Variants in PALLD observed in about 807,000 individuals in gnomAD.
The protein encoded by PALLD is palladin.
PALLD carries 61 observed loss-of-function variants against 123.5 expected under a neutral mutation model. That is an observed-to-expected ratio of 0.49 (90% CI 0.40 to 0.61). The LOEUF (loss-of-function observed/expected upper bound fraction) is 0.61, where lower values mean the gene tolerates loss of function less well. PALLD is among the 20% of genes least tolerant of loss of function. PALLD has a pLI of 0.00. For missense variants in PALLD, 1,273 were observed against 1,377.0 expected (o/e 0.92, Z 1.20); for synonymous variants, 465 against 496.4 (o/e 0.94, Z 0.84).
chr4:168,817,242 T>C (rs1387350630), intron 10 of PALLD, among the ~76,000 whole-genome samples: 2 of 152,220 alleles, frequency 1.3e-5, no homozygotes, highest in African/African-American at 4.8e-5. Context: ...AGCATGCTTT[T>C]GTTAAAGACA....
intron 2 of PALLD, among the ~76,000 whole-genome samples, chr4:168,661,117 C>T (rs903442654): frequency 6.6e-6 from 1 of 152,100 alleles, no homozygotes; most frequent in African/African-American, 2.4e-5. Context: ...GCTGGCCAGG[C>T]TGGTCTTGCT....
rs558244348 is a variant in PALLD, at chr4:168,512,059, C to T, written c.555C>T (p.Ala185=). 9.9e-6 allele frequency: 16 copies of T among 1,614,154 alleles called. No individual in the cohort carries two copies. Among genetic ancestry groups the T allele is most frequent in the Admixed American group, 8.3e-5 (5 of 60,016 alleles). ...AGGAGCTAACATCCATATTTAAAGC[C>T]GCAAAGCCAAGAAACAGAAGCCCAA... ...LIEELTSIFK[A]AKPRNRSPNG... The change falls in exon 2 of 22, where the codon GCC becomes GCT. Residue 185 remains alanine, a synonymous_variant. Transcript: ENST00000505667.
chr4:168,660,902 T>A (rs1180487627), intron 2 of PALLD, among the ~76,000 whole-genome samples: 1 of 149,234 alleles, frequency 6.7e-6, no homozygotes, highest in Non-Finnish European at 1.5e-5. Flanking sequence ...TTCTTCCTCT[T>A]TTTTTTTTTT....
chr4:168,764,399 T>C (rs1733368444), intron 10 of PALLD, among the ~76,000 whole-genome samples: 1 of 152,114 alleles, frequency 6.6e-6, no homozygotes, highest in African/African-American at 2.4e-5. Flanking sequence ...TGTTGGCCCC[T>C]AGGAACATTT....
chr4:168,758,519 G>A (rs1317267353), intron 10 of PALLD, among the ~76,000 whole-genome samples: 2 of 152,104 alleles, frequency 1.3e-5, no homozygotes, highest in Non-Finnish European at 1.5e-5. Flanking sequence ...CATCTCAGGC[G>A]TGTAGGTTCT....
At chr4:168,754,631 T>G (rs1214273950) in intron 10 of PALLD, among the ~76,000 whole-genome samples, 2 of 152,176 alleles carry the variant, frequency 1.3e-5, no homozygotes, top group East Asian at 1.9e-4. Context: ...TGATTTTAGA[T>G]AAAAACAGGA....
chr4:168,508,925 C>CA (rs1212106102), intron 1 of PALLD, among the ~76,000 whole-genome samples: 2 of 152,046 alleles, frequency 1.3e-5, no homozygotes, highest in Non-Finnish European at 2.9e-5. Flanking sequence ...AATTGTACTT[C>CA]AGAGCTCATT....
intron 1 of PALLD, among the ~76,000 whole-genome samples, chr4:168,508,680 A>C (rs1176601013): frequency 6.6e-6 from 1 of 152,260 alleles, no homozygotes; most frequent in Non-Finnish European, 1.5e-5. Flanking sequence ...TAAAAAACAC[A>C]GTAGCTTTCT....
At chr4:168,631,376 C>G (rs1441318091) in intron 2 of PALLD, among the ~76,000 whole-genome samples, 1 of 152,238 alleles carries the variant, frequency 6.6e-6, no homozygotes, top group Non-Finnish European at 1.5e-5. Flanking sequence ...TGCCTCAAAC[C>G]ACAGCTGAAT....
chr4:168,750,475 G>T (rs953386349), intron 10 of PALLD, among the ~76,000 whole-genome samples: 1 of 151,980 alleles, frequency 6.6e-6, no homozygotes, highest in Admixed American at 6.6e-5. Context: ...GAAGGCCAGG[G>T]GATTCTACAA....
intron 2 of PALLD, among the ~76,000 whole-genome samples, chr4:168,551,976 G>A (rs1248938124): frequency 2.6e-5 from 4 of 152,144 alleles, no homozygotes; most frequent in Admixed American, 6.6e-5. Flanking sequence ...GGAAGCTCCC[G>A]TGAGTCTTTG....
At chr4:168,757,937 G>C (rs1019423270) in intron 10 of PALLD, among the ~76,000 whole-genome samples, 2 of 152,180 alleles carry the variant, frequency 1.3e-5, no homozygotes, top group Non-Finnish European at 2.9e-5. Flanking sequence ...TGGGTGTGGT[G>C]GCGCATGCCT....
At chr4:168,708,722 T>C (rs1216943625) in intron 8 of PALLD, among the ~76,000 whole-genome samples, 1 of 152,204 alleles carries the variant, frequency 6.6e-6, no homozygotes, top group Non-Finnish European at 1.5e-5. Flanking sequence ...AGCTGCACAC[T>C]TGCAGACATC....
At position 168,844,234 on chromosome 4, in the gene PALLD, G is replaced by A. The variant is rs1027132398; in HGVS notation, c.1965-46688G>A. ...AAAAGATTAAAAACCATGATTGAGTGTGCCTAGAAATAAAGACCACCCTTG... is the reference window on the plus strand; with the variant it reads ...AAAAGATTAAAAACCATGATTGAGTATGCCTAGAAATAAAGACCACCCTTG... On this transcript the variant is annotated intron_variant, in intron 10 of 21. Coordinates refer to ENST00000505667, the MANE Select transcript of PALLD (RefSeq NM_001166108.2). This position sits in a 1 kb window ranked among gnomAD's most constrained non-coding sequence, Gnocchi z 4.5. 6.6e-6 allele frequency: 1 copy of A among 152,202 alleles called. No individual in the cohort carries two copies. The highest frequency in any genetic ancestry group is 2.4e-5 in the African/African-American group (1 of 41,446). The allele number at this position is 152,202 out of a possible 1,614,324, so 9.4% of individuals were successfully genotyped here. A position where few individuals can be genotyped will look rare whatever the true frequency, so the allele number is the denominator to read the frequency against.
intron 2 of PALLD, among the ~76,000 whole-genome samples, chr4:168,577,449 C>T (rs1345294426): frequency 1.3e-5 from 2 of 152,028 alleles, no homozygotes; most frequent in East Asian, 1.9e-4. Flanking sequence ...CTATTAAATA[C>T]AGTATATCAA....
intron 2 of PALLD, among the ~76,000 whole-genome samples, chr4:168,601,446 C>T (rs759306481): frequency 3.3e-5 from 5 of 152,104 alleles, no homozygotes; most frequent in South Asian, 2.1e-4. Context: ...CCACCCTCCA[C>T]CACTACCACC....
At chr4:168,540,483 C>T (rs544545371) in intron 2 of PALLD, among the ~76,000 whole-genome samples, 5 of 151,948 alleles carry the variant, frequency 3.3e-5, no homozygotes, top group South Asian at 2.1e-4. Context: ...TACTCTGAAA[C>T]GGGTTTTAGG....
chr4:168,716,619 T>C (rs1393003721), intron 10 of PALLD, among the ~76,000 whole-genome samples: 1 of 152,218 alleles, frequency 6.6e-6, no homozygotes, highest in Non-Finnish European at 1.5e-5. Context: ...CTGCAAATCC[T>C]GTCTCCAGAG....
Position 168,926,549 on chromosome 4 carries a change from TA to T in PALLD, c.*371del, listed in dbSNP as rs1163998454. The T allele has an allele frequency of 8.8e-6, 5 of 570,276 alleles. No individual in the cohort carries two copies. Among genetic ancestry groups the T allele is most frequent in the Non-Finnish European group, 1.5e-5 (5 of 327,096 alleles). The allele number at this position is 570,276 out of a possible 1,614,324, so 35.3% of individuals were successfully genotyped here. A position where few individuals can be genotyped will look rare whatever the true frequency, so the allele number is the denominator to read the frequency against. ...CTTACTTGATATACCAAACTTAGTT[TA>T]AGTAGATAATGCTAATACAAATATA... is the stretch of plus-strand genomic sequence containing the variant. On this transcript the variant is annotated 3_prime_UTR_variant, in exon 22 of 22. Transcript: ENST00000505667.
Sources: gnomAD v4.1 joint callset for allele counts (sites outside exome capture counted in the v4.1 genomes callset) on GRCh38, gnomAD v4.1.1 for gene constraint, Gnocchi (gnomAD v3.1) non-coding constraint, MANE v1.5 for transcripts, NCBI Gene and HGNC (gene_info 2026-07-23, HGNC 2026-07-21) for gene names.